Variants in TIPIN observed in about 807,000 individuals in gnomAD.
TIPIN encodes TIMELESS interacting protein.
A neutral mutation model predicts 35.6 loss-of-function variants in TIPIN; 29 were observed. The observed-to-expected ratio is 0.82, with a 90% confidence interval of 0.61 to 1.11. TIPIN has a LOEUF of 1.11. Ranked by LOEUF, TIPIN falls within the 50% of genes most tolerant of loss-of-function variation. The pLI is 0.00. For synonymous variants in TIPIN, 102 were observed against 121.5 expected (o/e 0.84, Z 1.06); for missense variants, 296 against 345.4 (o/e 0.86, Z 1.13).
At position 66,383,519 on chromosome 15, in the gene TIPIN, C is replaced by G. The variant is rs963272021; in HGVS notation, c.-9+3088G>C. The stretch of plus-strand genomic sequence containing the variant: ...CCTCAGGTGATCCTCCCACCTCAGC[C>G]TCCCAAAGTGCTGGGATTAAAGGTG... On this transcript the variant is annotated intron_variant, in intron 1 of 7. Transcript: ENST00000562124. The G allele has an allele frequency of 7.8e-6, 7 of 901,516 alleles. No homozygotes were observed. In the African/African-American group the frequency reaches 1.3e-4, roughly 16 times the overall value. 55.8% of individuals were successfully genotyped at this position (901,516 alleles called of 1,614,324 possible). A position where few individuals can be genotyped will look rare whatever the true frequency, so the allele number is the denominator to read the frequency against.
chr15:66,377,511 C>T (rs2093301559), intron 1 of TIPIN, among the ~76,000 whole-genome samples: 1 of 151,900 alleles, frequency 6.6e-6, no homozygotes, highest in South Asian at 2.1e-4. Flanking sequence ...ACTACAGGCG[C>T]GTGCCACCAC....
At chr15:66,351,889 T>G (rs559901890) in intron 3 of TIPIN, among the ~76,000 whole-genome samples, 1 of 152,094 alleles carries the variant, frequency 6.6e-6, no homozygotes, top group South Asian at 2.1e-4. Flanking sequence ...TCCGCCCACG[T>G]AGGCCTCCCA....
At chr15:66,382,918 G>C in intron 1 of TIPIN, 1 of 985,160 alleles carries the variant, frequency 1.0e-6, no homozygotes, top group Non-Finnish European at 1.2e-6. Flanking sequence ...AGGAAAAGTT[G>C]ACAGAACCGA....
At chr15:66,370,465 T>C (rs1435568923) in intron 1 of TIPIN, among the ~76,000 whole-genome samples, 1 of 119,420 alleles carries the variant, frequency 8.4e-6, no homozygotes, top group African/African-American at 3.3e-5. Context: ...CGGATGTCCT[T>C]GGTGGGGGGC....
intron 1 of TIPIN, among the ~76,000 whole-genome samples, chr15:66,356,179 G>A (rs1337341830): frequency 6.6e-6 from 1 of 151,904 alleles, no homozygotes; most frequent in Non-Finnish European, 1.5e-5. Flanking sequence ...GCCCCTCATC[G>A]CAAAGGAAGT....
rs2093255771 is a variant in TIPIN at position 66,366,654 on chromosome 15, C to T, written c.-8-13699G>A. Among the ~76,000 whole-genome samples the T allele has an allele frequency of 1.3e-5, 2 of 149,252 alleles. 1 individual carries two copies. Among genetic ancestry groups the T allele is most frequent in the Non-Finnish European group, 3.0e-5 (2 of 67,532 alleles). ...TGGTGGCTTGCGCCTGTAGTCCCAG[C>T]TCCTTGGGAGGCCGGGGCAGGAGAA... is the stretch of plus-strand genomic sequence containing the variant. On this transcript the variant is annotated intron_variant, in intron 1 of 7. Transcript: ENST00000562124.
Position 66,349,310 on chromosome 15 carries a change from C to G in TIPIN, c.411+5G>C, listed in dbSNP as rs757209318. On this transcript the variant is annotated splice_donor_5th_base_variant and intron_variant, in intron 5 of 7. Transcript: ENST00000261881. ...AATGATATTTATAATCATCTCAACA[C>G]TTACCTGAACTTCCTTTTTACTTCC... is the stretch of plus-strand genomic sequence containing the variant. The G allele has an allele frequency of 6.2e-7, 1 of 1,612,732 alleles. No individual in the cohort carries two copies.
intron 1 of TIPIN, among the ~76,000 whole-genome samples, chr15:66,364,259 G>A (rs1172245265): frequency 7.3e-5 from 10 of 137,398 alleles, no homozygotes; most frequent in Admixed American, 5.7e-4. Context: ...TCTGCCTCCC[G>A]AGTTCAAGCA....
At chr15:66,373,351 G>A (rs557550476) in intron 1 of TIPIN, among the ~76,000 whole-genome samples, 112 of 152,222 alleles carry the variant, frequency 7.4e-4, no homozygotes, top group African/African-American at 2.4e-3. Context: ...AAATTAGCCA[G>A]GTGTGGTGGC....
chr15:66,345,952 T>TC (rs1308461891), intron 6 of TIPIN, among the ~76,000 whole-genome samples: 4 of 147,788 alleles, frequency 2.7e-5, no homozygotes, highest in Admixed American at 2.7e-4. Flanking sequence ...TTTATCTCCT[T>TC]TTTTTTTTTT....
chr15:66,374,240 A>G lies in TIPIN; in HGVS notation c.-9+12367T>C, dbSNP rs140928155. Among the ~76,000 whole-genome samples, 263 of 152,012 alleles carry G rather than the reference A, an allele frequency of 1.7e-3. 1 individual carries two copies. Among genetic ancestry groups the G allele is most frequent in the African/African-American group, 6.2e-3 (257 of 41,314 alleles). On this transcript the variant is annotated intron_variant, in intron 1 of 7. Transcript: ENST00000562124. The stretch of plus-strand genomic sequence containing the variant: ...AGTATGATCCCCTCACACTGTGCCC[A>G]GCTTAAATCATTTTTAAGTTTACAA...
intron 1 of TIPIN, chr15:66,379,860 G>A (rs370837572): frequency 6.3e-7 from 1 of 1,593,776 alleles, no homozygotes; most frequent in South Asian, 1.1e-5. Context: ...TCCCTTCAGA[G>A]TAATGTTGAC....
At position 66,352,202 on chromosome 15, in the gene TIPIN, C is replaced by A; in HGVS notation, c.139G>T (p.Gly47Ter). The change falls in exon 3 of 8, where the codon GGA (glycine) becomes TGA (stop). Residue 47 changes from glycine to a stop codon, truncating the protein, a stop_gained. Coordinates refer to ENST00000261881, the MANE Select transcript of TIPIN (RefSeq NM_017858.3). LOFTEE classifies it high-confidence loss of function. ...GGTACACGAACAGGTGCTCCATTTC[C>A]TGACTCTGGTGAAACAAACCACGAT... is the stretch of plus-strand genomic sequence containing the variant. Reference protein sequence around the residue: ...GEGTEPDEESGNGAPVRVPPK... With the variant: ...GEGTEPDEES 1 of 1,603,788 alleles carries A rather than the reference C, an allele frequency of 6.2e-7. No homozygotes were observed. The highest frequency in any genetic ancestry group is 1.1e-5 in the South Asian group (1 of 88,778).
chr15:66,383,094 A>T (rs1393315529), intron 1 of TIPIN: 5 of 560,752 alleles, frequency 8.9e-6, no homozygotes, highest in Non-Finnish European at 1.1e-5. Flanking sequence ...ATAGAATCAT[A>T]ATATTTCAAT....
intron 6 of TIPIN, among the ~76,000 whole-genome samples, chr15:66,346,257 C>CT (rs536484516): frequency 0.22 from 29,097 of 131,056 alleles, 3,469 homozygotes; most frequent in Middle Eastern, 0.36. Flanking sequence ...CTTAATTTAT[C>CT]TTTTTTTTTT....
rs1566970488 is a variant in TIPIN at position 66,340,170 on chromosome 15, C to CTTTTTTTTTTTTTTTTTTTTTTTTTTTTT, written c.682+979_682+980insAAAAAAAAAAAAAAAAAAAAAAAAAAAAA. Among the ~76,000 whole-genome samples the CTTTTTTTTTTTTTTTTTTTTTTTTTTTTT allele has an allele frequency of 1.8e-5, 2 of 113,886 alleles. 1 individual carries two copies. The highest frequency in any genetic ancestry group is 7.2e-5 in the African/African-American group (2 of 27,730). 74.7% of individuals were successfully genotyped at this position (113,886 alleles called of 152,430 possible). ...TACAGGCGTGAGCCACTGCGCCTGG[C>CTTTTTTTTTTTTTTTTTTTTTTTTTTTTT]CTTTTTTTTTTTTTTTTTTTTTTTG... On this transcript the variant is annotated intron_variant, in intron 7 of 7. Coordinates refer to ENST00000261881, the MANE Select transcript of TIPIN (RefSeq NM_017858.3).
chr15:66,345,609 G>A (rs1358110306), intron 6 of TIPIN, among the ~76,000 whole-genome samples: 1 of 152,090 alleles, frequency 6.6e-6, no homozygotes, highest in Non-Finnish European at 1.5e-5. Flanking sequence ...CAGCTACTGG[G>A]AGGCTGAGGC....
chr15:66,372,233 C>A (rs921392286), intron 1 of TIPIN, among the ~76,000 whole-genome samples: 17 of 152,222 alleles, frequency 1.1e-4, no homozygotes, highest in Non-Finnish European at 1.5e-5. Flanking sequence ...TCACCTTCCT[C>A]ACTCTCTTCC....
intron 1 of TIPIN, among the ~76,000 whole-genome samples, chr15:66,366,306 T>C (rs2093253970): frequency 6.6e-6 from 1 of 151,316 alleles, no homozygotes; most frequent in African/African-American, 2.4e-5. Flanking sequence ...ATGCAAAAAT[T>C]AGCTGGGCAT....
Sources: gnomAD v4.1 joint callset for allele counts (sites outside exome capture counted in the v4.1 genomes callset) on GRCh38, gnomAD v4.1.1 for gene constraint, MANE v1.5 for transcripts, NCBI Gene and HGNC (gene_info 2026-07-23, HGNC 2026-07-21) for gene names.